Variants in ATL2 observed in about 807,000 individuals in gnomAD.
The protein encoded by ATL2 is atlastin GTPase 2, also known as atlastin-2.
A neutral mutation model predicts 73.9 loss-of-function variants in ATL2; 31 were observed. The ratio of observed to expected loss-of-function variants is 0.42; its 90% CI spans 0.32 to 0.57. The LOEUF (loss-of-function observed/expected upper bound fraction) is 0.57, where lower values mean the gene tolerates loss of function less well. Ranked by LOEUF, ATL2 falls within the 20% of genes least tolerant of loss-of-function variation. The pLI is 0.14. For synonymous variants in ATL2, 291 were observed against 237.5 expected (o/e 1.23, Z -2.07); for missense variants, 738 against 702.6 (o/e 1.05, Z -0.57).
intron 2 of ATL2, among the ~76,000 whole-genome samples, chr2:38,319,667 T>TA (rs1330368712): frequency 6.6e-6 from 1 of 151,154 alleles, no homozygotes; most frequent in Admixed American, 6.6e-5. Context: ...TTAAAAATCA[T>TA]AAAAAACTCG....
At chr2:38,300,399 G>T in intron 9 of ATL2, 71 bp from the exon 10 acceptor site, 1 of 1,039,718 alleles carries the variant, frequency 9.6e-7, no homozygotes, top group Non-Finnish European at 1.5e-6. Context: ...AGAAAGAAAA[G>T]TCATTAAATA....
chr2:38,377,708 T>C (rs1239237392), upstream of ATL2, among the ~76,000 whole-genome samples: 2 of 152,110 alleles, frequency 1.3e-5, no homozygotes, highest in Non-Finnish European at 2.9e-5. Flanking sequence ...GTGAGGTGGC[T>C]TTCGCACCCC....
Position 38,318,868 on chromosome 2 carries a change from T to G in ATL2, c.498+17A>C. 1 of 1,609,362 alleles carries G rather than the reference T, an allele frequency of 6.2e-7. No individual in the cohort carries two copies. Among genetic ancestry groups the G allele is most frequent in the Non-Finnish European group, 8.5e-7 (1 of 1,178,140 alleles). Reference sequence around the variant, plus strand: ...CAAGAAAGAATACAGGGTAGAAAAGTATAAACAGAATTTTACTTTAGTTCC... The same window carrying G: ...CAAGAAAGAATACAGGGTAGAAAAGGATAAACAGAATTTTACTTTAGTTCC... On this transcript the variant is annotated intron_variant, in intron 3 of 12. Transcript: ENST00000378954.
intron 2 of ATL2, among the ~76,000 whole-genome samples, chr2:38,335,820 C>T (rs1407239940): frequency 6.6e-6 from 1 of 152,070 alleles, no homozygotes; most frequent in African/African-American, 2.4e-5. Context: ...CACAGGCAGA[C>T]AATGAGGTCA....
intron 1 of ATL2, among the ~76,000 whole-genome samples, chr2:38,357,944 T>C (rs181004068): frequency 6.6e-6 from 1 of 152,256 alleles, no homozygotes; most frequent in African/African-American, 2.4e-5. Flanking sequence ...TGGGGGGAAA[T>C]CAAGGCCAGG....
intron 2 of ATL2, among the ~76,000 whole-genome samples, chr2:38,330,306 TA>T (rs1278444081): frequency 1.3e-5 from 2 of 150,934 alleles, no homozygotes; most frequent in Non-Finnish European, 2.9e-5. Context: ...GCTAACATAG[TA>T]GTGAGAAACT....
chr2:38,345,519 C>T (rs539331090), intron 1 of ATL2, among the ~76,000 whole-genome samples: 2 of 152,188 alleles, frequency 1.3e-5, no homozygotes, highest in South Asian at 4.1e-4. Flanking sequence ...AATGACAATG[C>T]ATTATAAAGA....
chr2:38,305,330 T>A (rs560089223), intron 9 of ATL2, among the ~76,000 whole-genome samples: 1 of 152,126 alleles, frequency 6.6e-6, no homozygotes, highest in African/African-American at 2.4e-5. Context: ...GGTGGACCAC[T>A]TGACGTCAGG....
intron 8 of ATL2, among the ~76,000 whole-genome samples, chr2:38,310,097 T>C (rs1667665021): frequency 6.6e-6 from 1 of 152,162 alleles, no homozygotes; most frequent in South Asian, 2.1e-4. Context: ...GCAACAGACA[T>C]TATAAAATAG....
At chr2:38,311,372 T>A (rs1310579050) in intron 7 of ATL2, among the ~76,000 whole-genome samples, 1 of 86,738 alleles carries the variant, frequency 1.2e-5, no homozygotes, top group East Asian at 2.3e-4. Context: ...TATCCCAATA[T>A]AACTCACACA....
chr2:38,318,458 C>T (rs1668143873), intron 4 of ATL2, 77 bp downstream of exon 4: 1 of 1,120,450 alleles, frequency 8.9e-7, no homozygotes, highest in Non-Finnish European at 1.3e-6. Context: ...AAGAGTGAAA[C>T]TCTGTCTCAA....
rs768709866 is a variant in ATL2 at position 38,310,323 on chromosome 2, T to A, written c.929A>T (p.Asp310Val). 1.2e-6 allele frequency: 2 copies of A among 1,611,360 alleles called. No homozygotes were observed. Among genetic ancestry groups the A allele is most frequent in the South Asian group, 2.2e-5 (2 of 90,248 alleles). Residue 310 changes from aspartate (D) to valine (V), a missense_variant, in exon 8 of 13, where the codon GAT becomes GTT. Coordinates refer to ENST00000378954, the MANE Select transcript of ATL2 (RefSeq NM_001135673.4). The stretch of plus-strand genomic sequence containing the variant: ...GGAATTCCCACCTTTCAATCTCCCA[T>A]CAAAACTAGGATTAGTTGCAACTTT... ...GLKVATNPSF[D>V]GRLKDIDEDF...
At chr2:38,371,198 TAAAAAA>T (rs556240788) in intron 1 of ATL2, among the ~76,000 whole-genome samples, 2 of 139,960 alleles carry the variant, frequency 1.4e-5, no homozygotes, top group African/African-American at 5.1e-5. Flanking sequence ...TCTCTTTAAT[TAAAAAA>T]AAAAAAAAGA....
At chr2:38,350,793 T>G (rs570816157) in intron 1 of ATL2, among the ~76,000 whole-genome samples, 1 of 152,180 alleles carries the variant, frequency 6.6e-6, no homozygotes, top group Admixed American at 6.5e-5. Flanking sequence ...TCTATTTAAA[T>G]AAGACACCTG....
At position 38,313,225 on chromosome 2, in the gene ATL2, G is replaced by A. The variant is rs1301875085; in HGVS notation, c.730C>T (p.Arg244Ter). ...TGTTCATAAGGATAGCTCCAATCTC[G>A]AATCAAAAACATTAATGTCTATACA... ...KPFQTLMFLI[R>*]DWSYPYEHSY... is the part of the protein sequence containing the mutation. Residue 244 changes from arginine (R) to a stop codon, truncating the protein, a stop_gained, in exon 7 of 13, where the codon CGA (arginine) becomes TGA (stop). Coordinates refer to ENST00000378954, the MANE Select transcript of ATL2 (RefSeq NM_001135673.4). LOFTEE classifies it high-confidence loss of function. 1.2e-6 allele frequency: 2 copies of A among 1,609,066 alleles called. No individual in the cohort carries two copies. The highest frequency in any genetic ancestry group is 1.1e-5 in the South Asian group (1 of 90,134).
chr2:38,296,288 C>A, intron 12 of ATL2, 175 bp from the exon 13 acceptor site: 2 of 1,438,104 alleles, frequency 1.4e-6, no homozygotes, highest in Non-Finnish European at 1.8e-6. Context: ...TTTTATAATG[C>A]AACAAAAATT....
chr2:38,334,620 C>A (rs1350256743), intron 2 of ATL2, among the ~76,000 whole-genome samples: 1 of 151,210 alleles, frequency 6.6e-6, no homozygotes, highest in African/African-American at 2.4e-5. Context: ...ATTGCTTGAA[C>A]CTGGGAGGCG....
chr2:38,349,142 A>C (rs971219913), intron 1 of ATL2, among the ~76,000 whole-genome samples: 1 of 152,004 alleles, frequency 6.6e-6, no homozygotes, highest in Non-Finnish European at 1.5e-5. Context: ...AGAACTAGAA[A>C]TACCATTTGA....
Position 38,296,795 on chromosome 2 carries a change from T to TA in ATL2, c.1633-683dup, listed in dbSNP as rs1288610672. ...CTAGCTGATTACCTTACCTAAACTATACTGAAAATGATTTTATACACTTTA... is the reference window on the plus strand; with the variant it reads ...CTAGCTGATTACCTTACCTAAACTATAACTGAAAATGATTTTATACACTTTA... On this transcript the variant is annotated intron_variant, in intron 12 of 12. Coordinates refer to ENST00000378954, the MANE Select transcript of ATL2 (RefSeq NM_001135673.4). The TA allele has an allele frequency of 5.3e-6, 8 of 1,512,742 alleles. No individual in the cohort carries two copies. In the East Asian group the frequency reaches 2.0e-4, roughly 37 times the overall value. The allele number at this position is 1,512,742 out of a possible 1,614,324, so 93.7% of individuals were successfully genotyped here.
Sources: gnomAD v4.1 joint callset for allele counts (sites outside exome capture counted in the v4.1 genomes callset) on GRCh38, gnomAD v4.1.1 for gene constraint, MANE v1.5 for transcripts, NCBI Gene and HGNC (gene_info 2026-07-23, HGNC 2026-07-21) for gene names.